Variants in TESC observed in about 807,000 individuals in gnomAD.
TESC encodes the protein tescalcin.
Under a neutral mutation model 31.0 loss-of-function variants are expected in TESC, and 19 were observed. The ratio of observed to expected loss-of-function variants is 0.61; its 90% CI spans 0.43 to 0.90. TESC has a LOEUF of 0.90. Ranked by LOEUF, TESC falls within the 40% of genes least tolerant of loss-of-function variation. The pLI, the probability that TESC is intolerant of heterozygous loss-of-function variation, is 0.00. For missense variants in TESC, 248 were observed against 303.8 expected (o/e 0.82, Z 1.36); for synonymous variants, 109 against 114.8 (o/e 0.95, Z 0.32).
At chr12:117,069,719 A>G (rs1954938834) in intron 2 of TESC, among the ~76,000 whole-genome samples, 1 of 152,172 alleles carries the variant, frequency 6.6e-6, no homozygotes, top group Non-Finnish European at 1.5e-5. Context: ...TAAAAACAAA[A>G]TCAATTTTGG....
chr12:117,085,472 A>G (rs1955208678), intron 1 of TESC, among the ~76,000 whole-genome samples: 1 of 152,170 alleles, frequency 6.6e-6, no homozygotes, highest in South Asian at 2.1e-4. Context: ...AAGCAAGCAC[A>G]GCTGAGAGCC....
intron 3 of TESC, among the ~76,000 whole-genome samples, chr12:117,053,195 G>A (rs1954673529): frequency 6.6e-6 from 1 of 152,230 alleles, no homozygotes; most frequent in Admixed American, 6.5e-5. Flanking sequence ...GCCTGTGCCA[G>A]TCCTCCCACA....
At chr12:117,062,173 T>C (rs117567987) in intron 2 of TESC, among the ~76,000 whole-genome samples, 237 of 152,286 alleles carry the variant, frequency 1.6e-3, no homozygotes, top group Non-Finnish European at 2.2e-3. Context: ...CATTATTACA[T>C]AGGGTTCACA....
rs746431415 is a variant in TESC at position 117,046,634 on chromosome 12, G to A, written c.444C>T (p.His148=). The A allele has an allele frequency of 2.9e-5, 45 of 1,551,792 alleles. No homozygotes were observed. Among genetic ancestry groups the A allele is most frequent in the Middle Eastern group, 1.7e-4 (1 of 6,012 alleles). The part of the protein sequence containing the change: ...VVEELLSGNP[H]IEKESARSIA... ...TGGAGCGAGCGGACTCCTTCTCGAT[G>A]TGAGGGTTTCCCGACAGCAGCTCCT... Residue 148 remains histidine, a synonymous_variant, in exon 6 of 8, where the codon CAC becomes CAT. Transcript: ENST00000335209.
At chr12:117,066,465 G>T (rs1371830755) in intron 2 of TESC, among the ~76,000 whole-genome samples, 2 of 150,048 alleles carry the variant, frequency 1.3e-5, no homozygotes, top group Non-Finnish European at 1.5e-5. Context: ...TCCGCCTCCC[G>T]GGTTCACGCC....
At chr12:117,088,458 A>G (rs1197301642) in intron 1 of TESC, among the ~76,000 whole-genome samples, 1 of 152,162 alleles carries the variant, frequency 6.6e-6, no homozygotes, top group Non-Finnish European at 1.5e-5. Context: ...AGGCGGGTGC[A>G]TCACTGGAGG....
intron 1 of TESC, among the ~76,000 whole-genome samples, chr12:117,076,200 T>C (rs1013367295): frequency 3.6e-4 from 55 of 151,258 alleles, no homozygotes; most frequent in African/African-American, 1.1e-3. Flanking sequence ...AGGGGCTTTT[T>C]ATAGTCACAG....
At chr12:117,061,109 G>GGT (rs1198247253) in intron 2 of TESC, among the ~76,000 whole-genome samples, 1 of 152,052 alleles carries the variant, frequency 6.6e-6, no homozygotes, top group East Asian at 1.9e-4. Flanking sequence ...AACCTCACAG[G>GGT]GTTGCCGTAC....
chr12:117,061,458 G>A (rs1259748867), intron 2 of TESC, among the ~76,000 whole-genome samples: 2 of 151,992 alleles, frequency 1.3e-5, no homozygotes, highest in African/African-American at 2.4e-5. Context: ...AGAGGTGGGG[G>A]AGAAACCACC....
At chr12:117,048,945 G>A (rs920660320) in intron 4 of TESC, 74 bp downstream of exon 4, 26 of 1,605,366 alleles carry the variant, frequency 1.6e-5, no homozygotes, top group African/African-American at 1.2e-4. Flanking sequence ...CTGCAGAGGC[G>A]CCTTGCGTTC....
chr12:117,075,038 C>T (rs1250409168), intron 2 of TESC, among the ~76,000 whole-genome samples: 1 of 152,122 alleles, frequency 6.6e-6, no homozygotes, highest in Non-Finnish European at 1.5e-5. Flanking sequence ...CCCAGCTACT[C>T]GGGAGGCTGA....
chr12:117,063,222 A>C (rs1954822690), intron 2 of TESC, among the ~76,000 whole-genome samples: 1 of 152,174 alleles, frequency 6.6e-6, no homozygotes, highest in African/African-American at 2.4e-5. Context: ...GCGGGACTCC[A>C]GCTCTGCCTC....
At chr12:117,046,120 T>C (rs1954554102) in intron 6 of TESC, among the ~76,000 whole-genome samples, 1 of 152,200 alleles carries the variant, frequency 6.6e-6, no homozygotes, top group South Asian at 2.1e-4. Context: ...CCATCGGCTC[T>C]TGTCAGCCCC....
chr12:117,089,697 G>A (rs979667627), intron 1 of TESC, among the ~76,000 whole-genome samples: 3 of 152,044 alleles, frequency 2.0e-5, no homozygotes, highest in Admixed American at 2.0e-4. Flanking sequence ...TGGATCTAAG[G>A]AAATGACCCA....
intron 1 of TESC, among the ~76,000 whole-genome samples, chr12:117,080,058 G>A (rs983474507): frequency 2.0e-5 from 3 of 152,254 alleles, no homozygotes; most frequent in African/African-American, 7.2e-5. Flanking sequence ...ATGATTCTAC[G>A]CCCATTCTAG....
At chr12:117,046,124 C>T (rs977203777) in intron 6 of TESC, among the ~76,000 whole-genome samples, 3 of 152,216 alleles carry the variant, frequency 2.0e-5, no homozygotes, top group Admixed American at 6.5e-5. Flanking sequence ...CGGCTCTTGT[C>T]AGCCCCCAAT....
intron 1 of TESC, among the ~76,000 whole-genome samples, chr12:117,075,897 A>G (rs865895354): frequency 0.026 from 1,736 of 66,132 alleles, 88 homozygotes; most frequent in South Asian, 0.071. Flanking sequence ...ATATATATAT[A>G]TATATATATA....
At chr12:117,093,133 T>A (rs1955337783) in intron 1 of TESC, among the ~76,000 whole-genome samples, 1 of 152,208 alleles carries the variant, frequency 6.6e-6, no homozygotes, top group Non-Finnish European at 1.5e-5. Flanking sequence ...CCTCCCGCTA[T>A]GCTACAGTTG....
At position 117,079,561 on chromosome 12, in the gene TESC, CA is replaced by C. The variant is rs61106379; in HGVS notation, c.59-4222del. Among the ~76,000 whole-genome samples the C allele has an allele frequency of 5.0e-3, 663 of 133,768 alleles. 2 individuals carry two copies. Among genetic ancestry groups the C allele is most frequent in the African/African-American group, 0.012 (455 of 36,614 alleles). The allele number at this position is 133,768 out of a possible 152,430, so 87.8% of individuals were successfully genotyped here. A position where few individuals can be genotyped will look rare whatever the true frequency, so the allele number is the denominator to read the frequency against. On this transcript the variant is annotated intron_variant, in intron 1 of 7. Coordinates refer to ENST00000335209, the MANE Select transcript of TESC (RefSeq NM_017899.4). ...TGGGTGACAAAGCGAGACTCCATCTCAAAAAAAAAAAAAGCGTTACCTTGAA... is the reference window on the plus strand; with the variant it reads ...TGGGTGACAAAGCGAGACTCCATCTCAAAAAAAAAAAAGCGTTACCTTGAA...
Sources: allele counts gnomAD v4.1 joint callset (sites outside exome capture counted in the v4.1 genomes callset), GRCh38; gene constraint gnomAD v4.1.1; transcripts MANE v1.5; gene names NCBI Gene and HGNC (gene_info 2026-07-23, HGNC 2026-07-21).